The following FRMPD2 variants were observed in gnomAD, a reference collection of about 807,000 sequenced individuals.
FRMPD2 encodes the protein FERM and PDZ domain-containing protein 2.
In FRMPD2, 96 loss-of-function variants were observed where a neutral mutation model predicts 140.1. The ratio of observed to expected loss-of-function variants is 0.69; its 90% CI spans 0.58 to 0.81. The LOEUF (loss-of-function observed/expected upper bound fraction) is 0.81, where lower values mean the gene tolerates loss of function less well. Ranked by LOEUF, FRMPD2 falls within the 40% of genes least tolerant of loss-of-function variation. The pLI is 0.00. For synonymous variants in FRMPD2, 449 were observed against 547.6 expected, an observed-to-expected ratio of 0.82 and a Z score of 2.52; for missense variants, 1,240 against 1,447.4, an observed-to-expected ratio of 0.86 and a Z score of 2.32.
rs114689805 is a variant in FRMPD2, at chr10:48,203,339, A to G, written c.1798-1955T>C. Among the ~76,000 whole-genome samples the G allele has an allele frequency of 2.2e-3, 333 of 152,296 alleles. 1 individual carries two copies. Among genetic ancestry groups the G allele is most frequent in the African/African-American group, 7.3e-3 (305 of 41,556 alleles). On this transcript the variant is annotated intron_variant, in intron 14 of 28. Coordinates refer to ENST00000374201, the MANE Select transcript of FRMPD2 (RefSeq NM_001018071.4). The stretch of plus-strand genomic sequence containing the variant: ...TTGACTGTCAAGAGTCTTTTCCATC[A>G]TTTAATGGAAAATTCTTATCTGCAA...
chr10:48,193,238 C>G (rs1479202057), intron 15 of FRMPD2, among the ~76,000 whole-genome samples: 4 of 152,222 alleles, frequency 2.6e-5, no homozygotes, highest in African/African-American at 4.8e-5. Context: ...TCAGCTGCCC[C>G]ATCCCCTTCT....
chr10:48,220,810 T>C (rs757199118), intron 12 of FRMPD2, among the ~76,000 whole-genome samples: 5 of 152,094 alleles, frequency 3.3e-5, no homozygotes, highest in Non-Finnish European at 7.4e-5. Flanking sequence ...AAAGAAGATA[T>C]ACAAATGGTC....
At chr10:48,254,846 G>C (rs927810881) in intron 1 of FRMPD2, among the ~76,000 whole-genome samples, 1 of 152,220 alleles carries the variant, frequency 6.6e-6, no homozygotes, top group Non-Finnish European at 1.5e-5. Context: ...TATTATGCTG[G>C]CTGTGGAAAT....
At chr10:48,231,792 C>T (rs1270583094) in intron 10 of FRMPD2, among the ~76,000 whole-genome samples, 1 of 152,178 alleles carries the variant, frequency 6.6e-6, no homozygotes, top group African/African-American at 2.4e-5. Context: ...ACTAAGTCCC[C>T]ATTAGTCCTG....
chr10:48,245,932 T>A (rs914955128), intron 3 of FRMPD2, among the ~76,000 whole-genome samples: 2 of 152,250 alleles, frequency 1.3e-5, no homozygotes, highest in East Asian at 3.8e-4. Context: ...CAAGTGGTTT[T>A]AGTTTTTGGT....
Position 48,269,965 on chromosome 10 carries a change from G to A in FRMPD2, c.25+4578C>T, listed in dbSNP as rs200049460. 5.9e-5 allele frequency among the ~76,000 whole-genome samples: 9 copies of A among 152,292 alleles called. No homozygotes were observed. In the East Asian group the frequency reaches 1.3e-3, roughly 23 times the overall value. On this transcript the variant is annotated intron_variant, in intron 1 of 28. Transcript: ENST00000374201. ...CCCTCCTCAGGCCCTGAGTCAGGAA[G>A]TTGCTTCCCACAGTGATATCTACAA...
intron 13 of FRMPD2, among the ~76,000 whole-genome samples, chr10:48,208,612 A>C (rs1367996616): frequency 6.6e-6 from 1 of 152,238 alleles, no homozygotes; most frequent in Non-Finnish European, 1.5e-5. Context: ...AGGCCTGGAA[A>C]CATAGGTGAA....
intron 9 of FRMPD2, among the ~76,000 whole-genome samples, chr10:48,232,686 G>A (rs1267291699): frequency 6.6e-6 from 1 of 152,176 alleles, no homozygotes; most frequent in East Asian, 1.9e-4. Context: ...CTGTCGATCT[G>A]ACATTGTCTC....
chr10:48,196,029 C>T (rs905117469), intron 15 of FRMPD2, among the ~76,000 whole-genome samples: 4 of 152,094 alleles, frequency 2.6e-5, no homozygotes, highest in African/African-American at 7.2e-5. Flanking sequence ...GATGAGGTTA[C>T]CCTTAAGCTT....
intron 1 of FRMPD2, among the ~76,000 whole-genome samples, chr10:48,255,344 C>T (rs1840467995): frequency 6.6e-6 from 1 of 152,202 alleles, no homozygotes; most frequent in South Asian, 2.1e-4. Context: ...CAGCCCCTCT[C>T]CCTGGCATGC....
At chr10:48,237,123 T>C (rs1196934395) in intron 8 of FRMPD2, among the ~76,000 whole-genome samples, 1 of 140,452 alleles carries the variant, frequency 7.1e-6, no homozygotes, top group Non-Finnish European at 1.5e-5. Flanking sequence ...GCTCCTCACC[T>C]TTAAAAAAAA....
At position 48,197,141 on chromosome 10, in the gene FRMPD2, C is replaced by T. The variant is rs73294208; in HGVS notation, c.1954+4087G>A. Among the ~76,000 whole-genome samples the T allele has an allele frequency of 1.1e-3, 166 of 152,308 alleles. 1 individual carries two copies. The highest frequency in any genetic ancestry group is 3.8e-3 in the African/African-American group (159 of 41,568). ...TAATAAAATAAGCTACCATTATTTT[C>T]TGCATTTGGTTCTGCATCTGAAAGT... On this transcript the variant is annotated intron_variant, in intron 15 of 28. Transcript: ENST00000374201.
intron 1 of FRMPD2, among the ~76,000 whole-genome samples, chr10:48,254,979 A>G (rs1840460440): frequency 6.6e-6 from 1 of 152,200 alleles, no homozygotes; most frequent in Non-Finnish European, 1.5e-5. Context: ...GGGCTGTATC[A>G]TGCACTGAAA....
At chr10:48,217,701 G>A (rs748084687) in intron 12 of FRMPD2, among the ~76,000 whole-genome samples, 1 of 152,112 alleles carries the variant, frequency 6.6e-6, no homozygotes, top group Non-Finnish European at 1.5e-5. Flanking sequence ...CATGGGACAT[G>A]GCAAAAAAAA....
At chr10:48,199,668 T>G (rs1378967488) in intron 15 of FRMPD2, 1 of 152,224 alleles carries the variant, frequency 6.6e-6, no homozygotes, top group Non-Finnish European at 1.5e-5. Flanking sequence ...TCTTCCGTAA[T>G]CTGGTCCTGC....
intron 17 of FRMPD2, among the ~76,000 whole-genome samples, chr10:48,186,428 G>A (rs1334003234): frequency 2.0e-5 from 3 of 152,194 alleles, no homozygotes; most frequent in Admixed American, 6.5e-5. Flanking sequence ...GCATGCTGTG[G>A]GAGGGACCCA....
rs1588814872 is a variant in FRMPD2, at chr10:48,187,173, G to A, written c.2266+19C>T. 6.3e-7 allele frequency: 1 copy of A among 1,590,604 alleles called. No homozygotes were observed. The highest frequency in any genetic ancestry group is 1.3e-5 in the African/African-American group (1 of 74,472). The stretch of plus-strand genomic sequence containing the variant: ...TAGGGGTTCCTCCACCCAAGACCTG[G>A]TCGTGGCCTGGCCCATACCTGCATG... On this transcript the variant is annotated intron_variant, in intron 17 of 28. Coordinates refer to ENST00000374201, the MANE Select transcript of FRMPD2 (RefSeq NM_001018071.4).
In FRMPD2 at chr10:48,232,112, T is replaced by C; in HGVS notation, c.1168+3A>G. ...AGCTGTGAGCTGCCCAAGAGATGCT[T>C]ACTTTTCATATACGCCAAGCCAAAG... On this transcript the variant is annotated splice_donor_region_variant and intron_variant, in intron 10 of 28. Coordinates refer to ENST00000374201, the MANE Select transcript of FRMPD2 (RefSeq NM_001018071.4). 1 of 1,614,128 alleles carries C rather than the reference T, an allele frequency of 6.2e-7. No homozygotes were observed. The highest frequency in any genetic ancestry group is 8.5e-7 in the Non-Finnish European group (1 of 1,180,002).
At chr10:48,212,419 A>C (rs7068878) in intron 12 of FRMPD2, among the ~76,000 whole-genome samples, 44,034 of 151,950 alleles carry the variant, frequency 0.29, 7,701 homozygotes, top group African/African-American at 0.49. Flanking sequence ...ATTGCCATTG[A>C]CAAGACAAGC....
Sources: gnomAD v4.1 joint callset for allele counts (sites outside exome capture counted in the v4.1 genomes callset) on GRCh38, gnomAD v4.1.1 for gene constraint, MANE v1.5 for transcripts, NCBI Gene and HGNC (gene_info 2026-07-23, HGNC 2026-07-21) for gene names.